ZFPM2: variants seen among roughly 807,000 people sequenced by gnomAD.
The protein encoded by ZFPM2 is zinc finger protein, FOG family member 2, also known as zinc finger protein ZFPM2.
Under a neutral mutation model 98.6 loss-of-function variants are expected in ZFPM2, and 20 were observed. The observed-to-expected ratio is 0.20, with a 90% CI of 0.14 to 0.29. The LOEUF is 0.29. Among genes scored for constraint, ZFPM2 ranks in the 10% least tolerant of loss-of-function variants. The pLI, the probability that ZFPM2 is intolerant of heterozygous loss-of-function variation, is 1.00. For missense variants in ZFPM2, 1,310 were observed against 1,388.6 expected (o/e 0.94, Z 0.90); for synonymous variants, 518 against 502.7 (o/e 1.03, Z -0.41).
intron 2 of ZFPM2, among the ~76,000 whole-genome samples, chr8:105,421,928 T>A (rs1161593899): frequency 6.7e-6 from 1 of 149,512 alleles, no homozygotes; most frequent in African/African-American, 2.5e-5. Context: ...GTGCCTATAA[T>A]CCCAGTTACT....
At chr8:105,786,421 T>G (rs952266922) in intron 5 of ZFPM2, among the ~76,000 whole-genome samples, 10 of 152,362 alleles carry the variant, frequency 6.6e-5, no homozygotes, top group Non-Finnish European at 8.8e-5. Flanking sequence ...CAGCCTAGCA[T>G]GCAGCAGAGA....
chr8:105,336,688 C>CCTCACACACA (rs1554595526), intron 1 of ZFPM2, among the ~76,000 whole-genome samples: 1 of 142,154 alleles, frequency 7.0e-6, no homozygotes, highest in Non-Finnish European at 1.6e-5. Flanking sequence ...GTAATATACT[C>CCTCACACACA]CACACACACA....
chr8:105,378,261 G>T (rs1353175895), intron 1 of ZFPM2, among the ~76,000 whole-genome samples: 3 of 152,116 alleles, frequency 2.0e-5, no homozygotes, highest in Admixed American at 2.0e-4. Context: ...AATTAGGGAG[G>T]CGGGGTCCCC....
At chr8:105,569,603 A>G (rs1037466150) in intron 4 of ZFPM2, among the ~76,000 whole-genome samples, 1 of 152,204 alleles carries the variant, frequency 6.6e-6, no homozygotes, top group East Asian at 1.9e-4. Context: ...TTCTTGAGAA[A>G]AGTTGACTAA....
Position 105,690,138 on chromosome 8 carries a change from C to A in ZFPM2, c.532+55781C>A, listed in dbSNP as rs150040355. Among the ~76,000 whole-genome samples the A allele has an allele frequency of 4.7e-3, 713 of 152,284 alleles. 6 individuals carry two copies. Among genetic ancestry groups the A allele is most frequent in the African/African-American group, 0.014 (584 of 41,544 alleles). The stretch of plus-strand genomic sequence containing the variant: ...ATGACATATACCTCAATTAGGATGC[C>A]AGGGAGAGGTTACCGTCTTCACTTT... On this transcript the variant is annotated intron_variant, in intron 5 of 7. Coordinates refer to ENST00000407775, the MANE Select transcript of ZFPM2 (RefSeq NM_012082.4).
intron 5 of ZFPM2, among the ~76,000 whole-genome samples, chr8:105,657,843 A>G (rs1776994342): frequency 6.6e-6 from 1 of 152,182 alleles, no homozygotes; most frequent in Non-Finnish European, 1.5e-5. Context: ...ATTTCCACCC[A>G]TGCATTTATT....
intron 1 of ZFPM2, among the ~76,000 whole-genome samples, chr8:105,330,626 A>ACG (rs1395384186): frequency 3.1e-5 from 3 of 96,104 alleles, no homozygotes; most frequent in African/African-American, 1.0e-4. Context: ...ATATATATAT[A>ACG]TATATACATA....
intron 3 of ZFPM2, 56 bp downstream of exon 3, chr8:105,444,437 T>G: frequency 7.4e-7 from 1 of 1,360,240 alleles, no homozygotes; most frequent in East Asian, 2.5e-5. Context: ...AATACACATT[T>G]TTCTTTTTTT....
intron 5 of ZFPM2, among the ~76,000 whole-genome samples, chr8:105,756,280 GA>G (rs529964876): frequency 4.3e-4 from 66 of 152,300 alleles, no homozygotes; most frequent in Middle Eastern, 3.4e-3. Context: ...CAGCTAACCA[GA>G]AATCTGTGAT....
intron 4 of ZFPM2, among the ~76,000 whole-genome samples, chr8:105,591,292 TA>T (rs1189836956): frequency 6.6e-6 from 1 of 151,976 alleles, no homozygotes; most frequent in African/African-American, 2.4e-5. Flanking sequence ...AAGTGGCATC[TA>T]AATGTTAATA....
chr8:105,509,288 C>T (rs1586425253), intron 3 of ZFPM2, among the ~76,000 whole-genome samples: 1 of 152,258 alleles, frequency 6.6e-6, no homozygotes, highest in Non-Finnish European at 1.5e-5. Context: ...AGGCACTTTG[C>T]ATACCTTGGA....
At chr8:105,319,069 G>T in intron 1 of ZFPM2, 88 bp downstream of exon 1, 1 of 1,395,968 alleles carries the variant, frequency 7.2e-7, no homozygotes, top group Middle Eastern at 2.3e-4. Context: ...TGGGTGGCGG[G>T]GCTAGGGGAG....
chr8:105,792,659 T>C (rs565109379), intron 6 of ZFPM2, among the ~76,000 whole-genome samples: 2 of 152,306 alleles, frequency 1.3e-5, no homozygotes, highest in Admixed American at 6.5e-5. Context: ...TCTGTCTCGT[T>C]GATCTGTCTA....
At chr8:105,794,938 C>T (rs1018425297) in intron 6 of ZFPM2, among the ~76,000 whole-genome samples, 23 of 152,154 alleles carry the variant, frequency 1.5e-4, no homozygotes, top group African/African-American at 4.6e-4. Flanking sequence ...GTCGGAAAAT[C>T]GCAGTATTCG....
intron 1 of ZFPM2, 90 bp from the exon 2 acceptor site, chr8:105,419,054 C>A: frequency 8.1e-7 from 1 of 1,242,032 alleles, no homozygotes; most frequent in Non-Finnish European, 1.1e-6. Context: ...TTTTTCTCAC[C>A]ACTGTAACAA....
At position 105,496,873 on chromosome 8, in the gene ZFPM2, T is replaced by C. The variant is rs569813058; in HGVS notation, c.301+52492T>C. ...GGCGCATGACTGTAATCCCAGCTAC[T>C]TGGGAGGCTGAGGCAGGAGAATCAC... On this transcript the variant is annotated intron_variant, in intron 3 of 7. Transcript: ENST00000407775. 7.4e-5 allele frequency among the ~76,000 whole-genome samples: 11 copies of C among 148,250 alleles called. No homozygotes were observed. The East Asian group carries it at 2.0e-3, about 27-fold the overall frequency.
chr8:105,579,774 T>C (rs1436244283), intron 4 of ZFPM2, among the ~76,000 whole-genome samples: 1 of 152,186 alleles, frequency 6.6e-6, no homozygotes, highest in Non-Finnish European at 1.5e-5. Flanking sequence ...ATTTCCATGT[T>C]TCTTTCCACA....
chr8:105,557,937 TC>T (rs1815037376), intron 3 of ZFPM2, among the ~76,000 whole-genome samples: 1 of 152,142 alleles, frequency 6.6e-6, no homozygotes, highest in Admixed American at 6.6e-5. Context: ...TCATGGACTG[TC>T]AGTGTTGAAA....
intron 5 of ZFPM2, among the ~76,000 whole-genome samples, chr8:105,758,897 G>T (rs1425081135): frequency 6.6e-6 from 1 of 152,078 alleles, no homozygotes; most frequent in East Asian, 1.9e-4. Context: ...ACTCATGCCT[G>T]ATGGTAAAGT....
Sources: allele counts gnomAD v4.1 joint callset (sites outside exome capture counted in the v4.1 genomes callset), GRCh38; gene constraint gnomAD v4.1.1; transcripts MANE v1.5; gene names NCBI Gene and HGNC (gene_info 2026-07-23, HGNC 2026-07-21).